The following PCDHGB1 variants were observed in gnomAD, a reference collection of about 807,000 sequenced individuals.
The protein encoded by PCDHGB1 is protocadherin gamma-B1.
PCDHGB1 carries 34 observed loss-of-function variants against 56.6 expected under a neutral mutation model. The observed-to-expected ratio is 0.60, with a 90% CI of 0.46 to 0.80. The LOEUF (loss-of-function observed/expected upper bound fraction) is 0.80. Among genes scored for constraint, PCDHGB1 ranks in the 30% least tolerant of loss-of-function variants. The probability of loss-of-function intolerance (pLI) is 0.00; values close to 1 mark genes in which losing one functional copy is unlikely to be tolerated. For missense variants in PCDHGB1, 1,278 were observed against 1,204.6 expected (o/e 1.06, Z -0.90); for synonymous variants, 561 against 505.9 (o/e 1.11, Z -1.46).
chr5:141,504,224 C>T (rs2099836716), intron 2 of PCDHGB1, among the ~76,000 whole-genome samples: 2 of 152,160 alleles, frequency 1.3e-5, no homozygotes, highest in African/African-American at 4.8e-5. Flanking sequence ...TAGAGCTGAA[C>T]CTTCTAAGAA....
intron 1 of PCDHGB1, among the ~76,000 whole-genome samples, chr5:141,460,961 A>G (rs113156768): frequency 0.11 from 16,010 of 144,518 alleles, 1,385 homozygotes; most frequent in African/African-American, 0.24. Context: ...GTATATATAT[A>G]TGTGTGTGTG....
Position 141,393,204 on chromosome 5 carries a change from C to T in PCDHGB1, c.2409+40535C>T, listed in dbSNP as rs373432896. ...AATAATTGATATTAACGATAATAAC[C>T]CAAAATTCCAGGTCGAAGATCTAGA... On this transcript the variant is annotated intron_variant, in intron 1 of 3. Transcript: ENST00000523390. 7 of 1,613,342 alleles carry T rather than the reference C, an allele frequency of 4.3e-6. No homozygotes were observed. The African/African-American group carries it at 9.3e-5, about 22-fold the overall frequency.
chr5:141,375,123 T>C, intron 1 of PCDHGB1: 2 of 1,613,914 alleles, frequency 1.2e-6, no homozygotes. Context: ...GTACCAGAAG[T>C]GGTTGTTACA....
chr5:141,432,250 A>T lies in PCDHGB1; in HGVS notation c.2410-62557A>T. ...ATTCCCTGGCTGAGAACACCATCCA[A>T]GGGGCAAGCCTATCGTCCTACGTGT... is the stretch of plus-strand genomic sequence containing the variant. On this transcript the variant is annotated intron_variant, in intron 1 of 3. Transcript: ENST00000523390. This position sits in a 1 kb window ranked among gnomAD's most constrained non-coding sequence, Gnocchi z 6.0. 1 of 1,614,234 alleles carries T rather than the reference A, an allele frequency of 6.2e-7. No homozygotes were observed. Among genetic ancestry groups the T allele is most frequent in the Non-Finnish European group, 8.5e-7 (1 of 1,180,054 alleles).
At chr5:141,420,530 A>G (rs1038635436) in intron 1 of PCDHGB1, 9 of 336,858 alleles carry the variant, frequency 2.7e-5, no homozygotes, top group African/African-American at 6.4e-5. Flanking sequence ...CCTTTCGGTT[A>G]AAAATATAAA....
At chr5:141,372,155 G>C in intron 1 of PCDHGB1, 1 of 1,613,796 alleles carries the variant, frequency 6.2e-7, no homozygotes, top group Non-Finnish European at 8.5e-7. Flanking sequence ...CTGGCTACCT[G>C]GTGACCAAGG....
In PCDHGB1 at chr5:141,398,692, A is replaced by G. The variant is rs150385715; in HGVS notation, c.2409+46023A>G. 1.9e-3 allele frequency: 3,041 copies of G among 1,613,942 alleles called. 6 individuals carry two copies. Among genetic ancestry groups the G allele is most frequent in the Non-Finnish European group, 2.3e-3 (2,760 of 1,179,898 alleles). On this transcript the variant is annotated intron_variant, in intron 1 of 3. Coordinates refer to ENST00000523390, the MANE Select transcript of PCDHGB1 (RefSeq NM_018922.3). The stretch of plus-strand genomic sequence containing the variant: ...AATAATTAAGGAGAAACAGGATGGT[A>G]GTAAATACCCGGAACTGGCACTGGA...
At chr5:141,419,962 G>A in intron 1 of PCDHGB1, 1 of 1,614,092 alleles carries the variant, frequency 6.2e-7, no homozygotes, top group African/African-American at 1.3e-5. Context: ...TGATTTCTGT[G>A]CTCTTTCTCC....
At position 141,485,480 on chromosome 5, in the gene PCDHGB1, A is replaced by G. The variant is rs535194185; in HGVS notation, c.2410-9327A>G. On this transcript the variant is annotated intron_variant, in intron 1 of 3. Transcript: ENST00000523390. The surrounding 1 kb of genome is among the most constrained non-coding windows in gnomAD (Gnocchi z 5.7). Reference sequence around the variant, plus strand: ...ACTGTGTGGGCTCAGTGCCAGCTGCATCGTGCCCCTGGAGTTTGTCACCGA... The same window carrying G: ...ACTGTGTGGGCTCAGTGCCAGCTGCGTCGTGCCCCTGGAGTTTGTCACCGA... The G allele has an allele frequency of 2.5e-6, 4 of 1,614,154 alleles. No individual in the cohort carries two copies. The South Asian group carries it at 3.3e-5, about 13-fold the overall frequency.
intron 2 of PCDHGB1, among the ~76,000 whole-genome samples, chr5:141,499,314 A>C (rs2099791047): frequency 6.6e-6 from 1 of 152,238 alleles, no homozygotes; most frequent in Non-Finnish European, 1.5e-5. Context: ...TCTGAGAGAC[A>C]GTATCCCTGC....
Position 141,404,574 on chromosome 5 carries a change from C to G in PCDHGB1, c.2409+51905C>G, listed in dbSNP as rs185791741. 3 of 1,613,908 alleles carry G rather than the reference C, an allele frequency of 1.9e-6. No individual in the cohort carries two copies. The East Asian group carries it at 6.7e-5, about 36-fold the overall frequency. The stretch of plus-strand genomic sequence containing the variant: ...ACGGCAAGTGACAGTGGAAGCCCAC[C>G]ACTTAGCAGCAATGTGTCATTGAGA... On this transcript the variant is annotated intron_variant, in intron 1 of 3. Coordinates refer to ENST00000523390, the MANE Select transcript of PCDHGB1 (RefSeq NM_018922.3).
intron 1 of PCDHGB1, among the ~76,000 whole-genome samples, chr5:141,461,906 C>A (rs2154567542): frequency 6.6e-6 from 1 of 152,270 alleles, no homozygotes; most frequent in South Asian, 2.1e-4. Context: ...TCACTGCAAC[C>A]TCTGCCTCCT....
chr5:141,481,679 C>T (rs2099541734), intron 1 of PCDHGB1, among the ~76,000 whole-genome samples: 1 of 151,948 alleles, frequency 6.6e-6, no homozygotes, highest in Non-Finnish European at 1.5e-5. Context: ...TCAGGCCGGG[C>T]CTGGTGGCTC....
chr5:141,364,999 C>A, intron 1 of PCDHGB1: 1 of 1,613,864 alleles, frequency 6.2e-7, no homozygotes, highest in South Asian at 1.1e-5. Context: ...CGGTACTCTC[C>A]GGCACCACGC....
Position 141,397,579 on chromosome 5 carries a change from A to G in PCDHGB1, c.2409+44910A>G, listed in dbSNP as rs73279085. Among the ~76,000 whole-genome samples, 1,264 of 152,334 alleles carry G rather than the reference A, an allele frequency of 8.3e-3. 17 individuals are homozygous for G. Among genetic ancestry groups the G allele is most frequent in the African/African-American group, 0.029 (1,200 of 41,570 alleles). On this transcript the variant is annotated intron_variant, in intron 1 of 3. Coordinates refer to ENST00000523390, the MANE Select transcript of PCDHGB1 (RefSeq NM_018922.3). ...AGGCTCTGAGAGCAAGAACTGTATCATATTAATTATTATATTGCCAGTGAC... is the reference window on the plus strand; with the variant it reads ...AGGCTCTGAGAGCAAGAACTGTATCGTATTAATTATTATATTGCCAGTGAC...
chr5:141,372,306 G>A (rs771102617), intron 1 of PCDHGB1: 4 of 1,613,152 alleles, frequency 2.5e-6, no homozygotes, highest in Non-Finnish European at 3.4e-6. Context: ...CAGGGAGGCC[G>A]CCCGCCAGCG....
At chr5:141,472,980 C>CAAAAAAAAAAAAAAAAAAAAAAAA (rs60579131) in intron 1 of PCDHGB1, among the ~76,000 whole-genome samples, 7 of 86,078 alleles carry the variant, frequency 8.1e-5, no homozygotes, top group African/African-American at 1.9e-4. Context: ...GAGTGAAACT[C>CAAAAAAAAAAAAAAAAAAAAAAAA]AAAAAAAAAA....
At chr5:141,404,123 T>A (rs1477938356) in intron 1 of PCDHGB1, 4 of 1,613,394 alleles carry the variant, frequency 2.5e-6, no homozygotes, top group Admixed American at 1.7e-5. Context: ...GGAGAATCTA[T>A]CTTTTACATT....
chr5:141,510,839 C>T (rs186647886), intron 3 of PCDHGB1, 108 bp from the exon 4 acceptor site: 36 of 1,586,990 alleles, frequency 2.3e-5, no homozygotes, highest in Non-Finnish European at 3.1e-5. Context: ...TCAGCGTGGT[C>T]AAGGCCCAGG....
Sources: gnomAD v4.1 joint callset for allele counts (sites outside exome capture counted in the v4.1 genomes callset) on GRCh38, gnomAD v4.1.1 for gene constraint, Gnocchi (gnomAD v3.1) non-coding constraint, MANE v1.5 for transcripts, NCBI Gene and HGNC (gene_info 2026-07-23, HGNC 2026-07-21) for gene names.